Variants in ITGA9 observed in about 807,000 individuals in gnomAD.
ITGA9 encodes the protein integrin alpha-9.
Under a neutral mutation model 127.8 loss-of-function variants are expected in ITGA9, and 56 were observed. That is an observed-to-expected ratio of 0.44 (90% CI 0.35 to 0.55). The LOEUF (loss-of-function observed/expected upper bound fraction) is 0.55. Ranked by LOEUF, ITGA9 falls within the 20% of genes least tolerant of loss-of-function variation. The pLI is 0.00. For missense variants in ITGA9, 1,196 were observed against 1,347.1 expected, an observed-to-expected ratio of 0.89 and a Z score of 1.76; for synonymous variants, 508 against 514.5, an observed-to-expected ratio of 0.99 and a Z score of 0.17.
chr3:37,655,091 A>G (rs778236929), intron 17 of ITGA9, among the ~76,000 whole-genome samples: 1 of 152,176 alleles, frequency 6.6e-6, no homozygotes, highest in African/African-American at 2.4e-5. Flanking sequence ...CCAGTCTATC[A>G]TTGATGGGCA....
chr3:37,556,614 C>G (rs926283107), intron 15 of ITGA9, among the ~76,000 whole-genome samples: 3 of 152,182 alleles, frequency 2.0e-5, no homozygotes, highest in African/African-American at 7.2e-5. Context: ...CAATGCAGAT[C>G]CTGATACAGC....
At chr3:37,816,114 G>A (rs1208706872) in intron 27 of ITGA9, among the ~76,000 whole-genome samples, 1 of 152,170 alleles carries the variant, frequency 6.6e-6, no homozygotes, top group Non-Finnish European at 1.5e-5. Context: ...TCCACCTCAC[G>A]ATGGGAAGAG....
chr3:37,495,684 T>C (rs1698720968), intron 5 of ITGA9, among the ~76,000 whole-genome samples: 1 of 152,206 alleles, frequency 6.6e-6, no homozygotes, highest in Non-Finnish European at 1.5e-5. Flanking sequence ...ATGTCTATTA[T>C]GCTTTTTTAA....
intron 15 of ITGA9, among the ~76,000 whole-genome samples, chr3:37,546,322 G>A (rs1046450151): frequency 1.3e-5 from 2 of 152,164 alleles, no homozygotes; most frequent in African/African-American, 2.4e-5. Flanking sequence ...CTAGCACCGC[G>A]CTGGAACTTT....
At chr3:37,495,856 A>C (rs1335873349) in intron 5 of ITGA9, among the ~76,000 whole-genome samples, 1 of 152,210 alleles carries the variant, frequency 6.6e-6, no homozygotes, top group African/African-American at 2.4e-5. Flanking sequence ...TGCTTTCTGC[A>C]TACTAGCCCC....
At chr3:37,519,379 C>A in intron 11 of ITGA9, 25 bp downstream of exon 11, 1 of 1,543,798 alleles carries the variant, frequency 6.5e-7, no homozygotes, top group Non-Finnish European at 9.0e-7. Flanking sequence ...AGTGATATGG[C>A]AACTGTTCAT....
rs1697534588 is a variant in ITGA9 at position 37,823,216 on chromosome 3, T to C, written c.*4227T>C. On this transcript the variant is annotated 3_prime_UTR_variant, in exon 28 of 28. Transcript: ENST00000264741. ...TGTGTTAAGGTTTTTTCTTTGTTGA[T>C]GTTGTTGTTTTAATTCTAATGTGCA... The C allele has an allele frequency of 6.6e-6, 1 of 152,226 alleles. No homozygotes were observed. The highest frequency in any genetic ancestry group is 1.5e-5 in the Non-Finnish European group (1 of 68,040). The allele number at this position is 152,226 out of a possible 1,614,324, so 9.4% of individuals were successfully genotyped here. A position where few individuals can be genotyped will look rare whatever the true frequency, so the allele number is the denominator to read the frequency against.
Position 37,452,606 on chromosome 3 carries a change from C to T in ITGA9, c.185+47C>T, listed in dbSNP as rs952388546. 6.8e-7 allele frequency: 1 copy of T among 1,460,090 alleles called. No individual in the cohort carries two copies. Among genetic ancestry groups the T allele is most frequent in the Non-Finnish European group, 9.1e-7 (1 of 1,098,002 alleles). The allele number at this position is 1,460,090 out of a possible 1,614,324, so 90.4% of individuals were successfully genotyped here. ...CGACCCTGGCCCGCGCGGCCACCGCCCCGGCCCCCAGGCCAGCGCCGCCGC... is the reference window on the plus strand; with the variant it reads ...CGACCCTGGCCCGCGCGGCCACCGCTCCGGCCCCCAGGCCAGCGCCGCCGC... On this transcript the variant is annotated intron_variant, in intron 1 of 27. Coordinates refer to ENST00000264741, the MANE Select transcript of ITGA9 (RefSeq NM_002207.3). The surrounding 1 kb of genome is among the most constrained non-coding windows in gnomAD (Gnocchi z 7.3).
chr3:37,519,193 A>G, intron 10 of ITGA9, 67 bp from the exon 11 acceptor site: 1 of 1,201,836 alleles, frequency 8.3e-7, no homozygotes, highest in Non-Finnish European at 1.2e-6. Flanking sequence ...TGACAACCAG[A>G]ATTAGGGAAG....
At chr3:37,808,486 C>T (rs1697326206) in intron 27 of ITGA9, 1 of 152,184 alleles carries the variant, frequency 6.6e-6, no homozygotes, top group South Asian at 2.1e-4. Context: ...GGAGTTCGCT[C>T]CTGCAGGATT....
chr3:37,787,617 A>G (rs540901995), intron 26 of ITGA9, among the ~76,000 whole-genome samples: 1 of 151,664 alleles, frequency 6.6e-6, no homozygotes, highest in Non-Finnish European at 1.5e-5. Flanking sequence ...GTTGTTCTCA[A>G]TTTTCCTGGC....
In ITGA9 at chr3:37,538,030, C is replaced by G. The variant is rs1420147420; in HGVS notation, c.1529-4395C>G. Among the ~76,000 whole-genome samples, 6 of 152,316 alleles carry G rather than the reference C, an allele frequency of 3.9e-5. No homozygotes were observed. In the East Asian group the frequency reaches 1.2e-3, roughly 29 times the overall value. On this transcript the variant is annotated intron_variant, in intron 14 of 27. Transcript: ENST00000264741. ...TGCTTGTACCTACTCACTGGCCAGG[C>G]TGAAGCCTAAACTTGCTTGTCAATC...
intron 16 of ITGA9, among the ~76,000 whole-genome samples, chr3:37,634,035 A>T (rs918331430): frequency 2.0e-5 from 3 of 152,216 alleles, no homozygotes; most frequent in Admixed American, 2.0e-4. Context: ...ACCAGTTATA[A>T]CTATCAGATG....
chr3:37,785,144 G>T, intron 26 of ITGA9, 66 bp downstream of exon 26: 1 of 1,139,384 alleles, frequency 8.8e-7, no homozygotes, highest in South Asian at 1.2e-5. Flanking sequence ...TTGGAGACCT[G>T]GAGCTGGAAT....
intron 22 of ITGA9, chr3:37,746,066 G>A (rs1696496296): frequency 6.6e-6 from 1 of 152,326 alleles, no homozygotes; most frequent in Admixed American, 6.5e-5. Context: ...TTGGTATAAT[G>A]GTTGTTATTG....
chr3:37,587,369 A>G (rs1419048160), intron 15 of ITGA9, among the ~76,000 whole-genome samples: 2 of 152,186 alleles, frequency 1.3e-5, no homozygotes, highest in African/African-American at 4.8e-5. Flanking sequence ...CCAGTAATGA[A>G]TTTCAAGCTT....
chr3:37,499,767 G>A (rs561926674), intron 5 of ITGA9, among the ~76,000 whole-genome samples: 75 of 152,266 alleles, frequency 4.9e-4, no homozygotes, highest in African/African-American at 1.6e-3. Flanking sequence ...GCGGAGTGGC[G>A]TGGTGCGGTA....
intron 15 of ITGA9, among the ~76,000 whole-genome samples, chr3:37,624,875 G>A (rs1700162313): frequency 6.6e-6 from 1 of 152,154 alleles, no homozygotes; most frequent in Admixed American, 6.5e-5. Context: ...TTAAGGTGCT[G>A]GGATTACAGA....
chr3:37,730,774 G>A (rs1011989132), intron 18 of ITGA9, among the ~76,000 whole-genome samples: 1 of 152,202 alleles, frequency 6.6e-6, no homozygotes, highest in Non-Finnish European at 1.5e-5. Flanking sequence ...GGACAAGACA[G>A]AGGAAGAAAA....
Sources: gnomAD v4.1 joint callset for allele counts (sites outside exome capture counted in the v4.1 genomes callset) on GRCh38, gnomAD v4.1.1 for gene constraint, Gnocchi (gnomAD v3.1) non-coding constraint, MANE v1.5 for transcripts, NCBI Gene and HGNC (gene_info 2026-07-23, HGNC 2026-07-21) for gene names.